The following FBXO46 variants were observed in gnomAD, a reference collection of about 807,000 sequenced individuals.
The protein encoded by FBXO46 is F-box only protein 46.
Under a neutral mutation model 30.7 loss-of-function variants are expected in FBXO46, and 13 were observed. That is an observed-to-expected ratio of 0.42 (90% CI 0.28 to 0.67). The LOEUF is 0.67. Among genes scored for constraint, FBXO46 ranks in the 30% least tolerant of loss-of-function variants. The probability of loss-of-function intolerance (pLI) is 0.21; values close to 1 mark genes in which losing one functional copy is unlikely to be tolerated. For synonymous variants in FBXO46, 467 were observed against 385.8 expected (o/e 1.21, Z -2.47); for missense variants, 754 against 871.5 (o/e 0.87, Z 1.70).
intron 1 of FBXO46, among the ~76,000 whole-genome samples, chr19:45,720,586 G>A (rs2146154727): frequency 6.6e-6 from 1 of 152,160 alleles, no homozygotes; most frequent in South Asian, 2.1e-4. Flanking sequence ...GCCTTTTGAG[G>A]AGCTGAAACC....
intron 1 of FBXO46, among the ~76,000 whole-genome samples, chr19:45,728,675 A>C (rs533787982): frequency 6.6e-6 from 1 of 152,288 alleles, no homozygotes; most frequent in South Asian, 2.1e-4. Context: ...CGTCTCTACA[A>C]AAATAAAAAT....
At chr19:45,732,251 A>T (rs1274849684), upstream of FBXO46, among the ~76,000 whole-genome samples, 6 of 152,140 alleles carry the variant, frequency 3.9e-5, no homozygotes, top group Non-Finnish European at 8.8e-5. Flanking sequence ...TATGCCAGAC[A>T]CCCTACAGAC....
In FBXO46 at chr19:45,712,443, G is replaced by C. The variant is rs573725724; in HGVS notation, c.1053C>G (p.Pro351=). The change falls in exon 2 of 2, where the codon CCC becomes CCG. Residue 351 remains proline, a synonymous_variant. Transcript: ENST00000317683. The surrounding 1 kb of genome is among the most constrained non-coding windows in gnomAD (Gnocchi z 8.8). ...CGCAGTCCCGGGCAGGGGGCGGAGGGGGCGCCGGGGGAGTGTCCTCAGGCC... is the reference window on the plus strand; with the variant it reads ...CGCAGTCCCGGGCAGGGGGCGGAGGCGGCGCCGGGGGAGTGTCCTCAGGCC... ...PARPEDTPPA[P]PPPPARDCGA... is the part of the protein sequence containing the mutation. 3 of 1,610,914 alleles carry C rather than the reference G, an allele frequency of 1.9e-6. No homozygotes were observed. Among genetic ancestry groups the C allele is most frequent in the Non-Finnish European group, 2.5e-6 (3 of 1,179,388 alleles).
chr19:45,713,342 G>T lies in FBXO46; in HGVS notation c.154C>A (p.His52Asn). ...AAGGCGGGTGGTGTGTTCTCTGAGTGGGCAGGCCCATGGTCTGGCTCGGCC... is the reference window on the plus strand; with the variant it reads ...AAGGCGGGTGGTGTGTTCTCTGAGTTGGCAGGCCCATGGTCTGGCTCGGCC... ...GGAEPDHGPA[H>N]SENTPPALAT... The change falls in exon 2 of 2, where the codon CAC becomes AAC. Residue 52 changes from histidine (H) to asparagine (N), a missense_variant. Around this residue, in one of 5 missense-constraint regions of FBXO46, gnomAD observed 97 missense variants for 113.0 expected, o/e 0.86. Coordinates refer to ENST00000317683, the MANE Select transcript of FBXO46 (RefSeq NM_001080469.2). The surrounding 1 kb of genome is among the most constrained non-coding windows in gnomAD (Gnocchi z 4.7). 1 of 1,613,132 alleles carries T rather than the reference G, an allele frequency of 6.2e-7. No individual in the cohort carries two copies. Among genetic ancestry groups the T allele is most frequent in the East Asian group, 2.2e-5 (1 of 44,870 alleles).
chr19:45,715,768 T>G (rs888820317), intron 1 of FBXO46: 4 of 131,812 alleles, frequency 3.0e-5, no homozygotes, highest in African/African-American at 1.2e-4. Context: ...ATCTTGCCAC[T>G]GCACTCCAGC....
upstream of FBXO46, among the ~76,000 whole-genome samples, chr19:45,731,178 G>A (rs1162504466): frequency 1.3e-5 from 2 of 152,216 alleles, no homozygotes; most frequent in African/African-American, 2.4e-5. Context: ...CTTGGGAAGG[G>A]AATTGAGAAT....
chr19:45,728,402 A>G (rs897758193), intron 1 of FBXO46, among the ~76,000 whole-genome samples: 1 of 152,210 alleles, frequency 6.6e-6, no homozygotes, highest in African/African-American at 2.4e-5. Context: ...ACAACAACTC[A>G]CACGTACTGA....
chr19:45,725,506 C>A (rs1278006871), intron 1 of FBXO46, among the ~76,000 whole-genome samples: 1 of 151,842 alleles, frequency 6.6e-6, no homozygotes, highest in Non-Finnish European at 1.5e-5. Flanking sequence ...TTGGGCAGGT[C>A]GACAGCTTGA....
At chr19:45,731,517 A>G (rs553263687), upstream of FBXO46, among the ~76,000 whole-genome samples, 6 of 151,416 alleles carry the variant, frequency 4.0e-5, no homozygotes, top group Non-Finnish European at 8.8e-5. Context: ...GAGTTTCACC[A>G]TGTTGGTCAG....
chr19:45,729,238 T>G (rs1412181192), intron 1 of FBXO46, among the ~76,000 whole-genome samples: 6 of 152,168 alleles, frequency 3.9e-5, no homozygotes, highest in Admixed American at 6.6e-5. Flanking sequence ...AAGACCAGCC[T>G]GACCAACATG....
In FBXO46 at chr19:45,721,553, C is replaced by CTTT. The variant is rs35101456; in HGVS notation, c.-78-7983_-78-7981dup. Reference sequence around the variant, plus strand: ...CAGGGTTTCGTTCCTGGTCCTGTTCCTTTTTTTTTTTTTTTTTTTGACAGG... The same window carrying CTTT: ...CAGGGTTTCGTTCCTGGTCCTGTTCCTTTTTTTTTTTTTTTTTTTTTTGACAGG... On this transcript the variant is annotated intron_variant, in intron 1 of 1. Transcript: ENST00000317683. Among the ~76,000 whole-genome samples, 12 of 110,768 alleles carry CTTT rather than the reference C, an allele frequency of 1.1e-4. 1 individual carries two copies. Among genetic ancestry groups the CTTT allele is most frequent in the Non-Finnish European group, 1.7e-4 (10 of 57,334 alleles). The allele number at this position is 110,768 out of a possible 152,430, so 72.7% of individuals were successfully genotyped here.
intron 1 of FBXO46, chr19:45,716,649 C>T (rs1230969074): frequency 6.6e-6 from 1 of 151,932 alleles, no homozygotes; most frequent in Admixed American, 6.6e-5. Context: ...AACACAAAAG[C>T]TCCCTAACAC....
chr19:45,722,434 C>T (rs1968185074), intron 1 of FBXO46, among the ~76,000 whole-genome samples: 1 of 152,138 alleles, frequency 6.6e-6, no homozygotes, highest in Non-Finnish European at 1.5e-5. Flanking sequence ...CATGGGCTGG[C>T]TGACCATCCG....
chr19:45,719,928 G>C (rs181199442), intron 1 of FBXO46, among the ~76,000 whole-genome samples: 81 of 152,292 alleles, frequency 5.3e-4, no homozygotes, highest in Admixed American at 1.7e-3. Context: ...TGAAGATAAG[G>C]AAACTGAGGC....
chr19:45,732,559 TC>T (rs1395144788), upstream of FBXO46, among the ~76,000 whole-genome samples: 2 of 113,934 alleles, frequency 1.8e-5, no homozygotes, highest in Non-Finnish European at 3.6e-5. Context: ...AAAGCCCAAA[TC>T]TTTTATTCTT....
In FBXO46 at chr19:45,712,686, C is replaced by T. The variant is rs1968009924; in HGVS notation, c.810G>A (p.Glu270=). ...RIAFRISNGR[E]PRAPDSGLPS... ...GCAGGCCGCTGTCTGGTGCACGGGG[C>T]TCCCGGCCGTTGGAGATGCGGAAGG... Residue 270 remains glutamate (E), a synonymous_variant, in exon 2 of 2, where the codon GAG becomes GAA. Coordinates refer to ENST00000317683, the MANE Select transcript of FBXO46 (RefSeq NM_001080469.2). This position sits in a 1 kb window ranked among gnomAD's most constrained non-coding sequence, Gnocchi z 8.8. 12 of 1,612,786 alleles carry T rather than the reference C, an allele frequency of 7.4e-6. No individual in the cohort carries two copies. The highest frequency in any genetic ancestry group is 1.0e-5 in the Non-Finnish European group (12 of 1,179,444).
chr19:45,716,381 A>T (rs570540690), intron 1 of FBXO46: 12 of 151,802 alleles, frequency 7.9e-5, no homozygotes, highest in African/African-American at 2.9e-4. Context: ...ATCAGTTCCA[A>T]CCTTACCCCC....
At chr19:45,726,571 C>A (rs1238360409) in intron 1 of FBXO46, among the ~76,000 whole-genome samples, 1 of 151,898 alleles carries the variant, frequency 6.6e-6, no homozygotes, top group East Asian at 1.9e-4. Context: ...TTGCTTGAAC[C>A]CAAGAGGCGG....
intron 1 of FBXO46, among the ~76,000 whole-genome samples, chr19:45,719,624 A>G (rs1758026809): frequency 6.6e-6 from 1 of 152,236 alleles, no homozygotes; most frequent in Admixed American, 6.5e-5. Flanking sequence ...CCCAACAATT[A>G]AATAATCCAC....
Sources: gnomAD v4.1 joint callset for allele counts (sites outside exome capture counted in the v4.1 genomes callset) on GRCh38, gnomAD v4.1.1 for gene constraint, gnomAD v4.1.1 regional missense constraint, Gnocchi (gnomAD v3.1) non-coding constraint, MANE v1.5 for transcripts, NCBI Gene and HGNC (gene_info 2026-07-23, HGNC 2026-07-21) for gene names.